Variants in MAPRE2 observed in about 807,000 individuals in gnomAD.
MAPRE2 encodes the protein microtubule-associated protein RP/EB family member 2.
A neutral mutation model predicts 43.2 loss-of-function variants in MAPRE2; 13 were observed. That is an observed-to-expected ratio of 0.30 (90% confidence interval 0.20 to 0.48). The LOEUF (loss-of-function observed/expected upper bound fraction) is 0.48. Ranked by LOEUF, MAPRE2 falls within the 20% of genes least tolerant of loss-of-function variation. The probability of loss-of-function intolerance (pLI) is 0.99; values close to 1 mark genes in which losing one functional copy is unlikely to be tolerated. For missense variants in MAPRE2, 161 were observed against 400.2 expected, an observed-to-expected ratio of 0.40 and a Z score of 5.10; for synonymous variants, 135 against 148.8, an observed-to-expected ratio of 0.91 and a Z score of 0.68.
chr18:35,115,458 C>T (rs888084450), intron 4 of MAPRE2, among the ~76,000 whole-genome samples: 16 of 152,116 alleles, frequency 1.1e-4, no homozygotes, highest in African/African-American at 3.6e-4. Flanking sequence ...GATTTTAGTG[C>T]ACCCATCACC....
intron 1 of MAPRE2, among the ~76,000 whole-genome samples, chr18:35,057,943 A>C (rs1487589684): frequency 6.6e-6 from 1 of 152,156 alleles, no homozygotes; most frequent in African/African-American, 2.4e-5. Flanking sequence ...CAATGACCAA[A>C]ATTTCCATTT....
chr18:35,038,678 G>A (rs748729006), upstream of MAPRE2, among the ~76,000 whole-genome samples: 31 of 152,088 alleles, frequency 2.0e-4, no homozygotes, highest in Non-Finnish European at 7.4e-5. Flanking sequence ...GTACCATTCC[G>A]CTTCCCAAAG....
chr18:35,134,908 T>C (rs988514135), intron 6 of MAPRE2, among the ~76,000 whole-genome samples: 1 of 152,160 alleles, frequency 6.6e-6, no homozygotes, highest in African/African-American at 2.4e-5. Context: ...ATCAAATAGC[T>C]TTAAGGGAAG....
At chr18:35,086,020 G>A (rs1010562366) in intron 2 of MAPRE2, among the ~76,000 whole-genome samples, 8 of 152,134 alleles carry the variant, frequency 5.3e-5, no homozygotes, top group African/African-American at 1.9e-4. Flanking sequence ...TGAGGTTGTT[G>A]TGCTTTTCTT....
intron 2 of MAPRE2, among the ~76,000 whole-genome samples, chr18:35,093,813 T>C (rs141000883): frequency 6.6e-6 from 1 of 152,238 alleles, no homozygotes; most frequent in African/African-American, 2.4e-5. Flanking sequence ...GGGTACAAAG[T>C]TACAGTTAGG....
At chr18:35,078,968 T>G (rs1307073628) in intron 2 of MAPRE2, among the ~76,000 whole-genome samples, 1 of 152,070 alleles carries the variant, frequency 6.6e-6, no homozygotes, top group African/African-American at 2.4e-5. Context: ...ATTGTTCTCC[T>G]TGTTCCTTTT....
At chr18:35,010,978 C>G (rs2097034283) in intron 2 of MAPRE2, among the ~76,000 whole-genome samples, 1 of 152,088 alleles carries the variant, frequency 6.6e-6, no homozygotes, top group Non-Finnish European at 1.5e-5. Flanking sequence ...TGAAATGTCT[C>G]AAGCAAAATT....
intron 4 of MAPRE2, among the ~76,000 whole-genome samples, chr18:35,123,322 G>A (rs545116382): frequency 5.1e-4 from 78 of 152,204 alleles, no homozygotes; most frequent in African/African-American, 1.7e-3. Context: ...CATCAGACTG[G>A]ATAAGGCCAG....
At chr18:35,103,810 G>A (rs983824530) in intron 4 of MAPRE2, among the ~76,000 whole-genome samples, 3 of 152,174 alleles carry the variant, frequency 2.0e-5, no homozygotes, top group Non-Finnish European at 4.4e-5. Flanking sequence ...CTGCTGAGAA[G>A]TCAAGTTAAA....
chr18:35,041,499 C>A lies in MAPRE2; in HGVS notation c.-41C>A. 1 of 1,613,810 alleles carries A rather than the reference C, an allele frequency of 6.2e-7. No individual in the cohort carries two copies. The highest frequency in any genetic ancestry group is 1.6e-4 in the Middle Eastern group (1 of 6,062). On this transcript the variant is annotated 5_prime_UTR_variant, in exon 1 of 7. Transcript: ENST00000300249. Reference sequence around the variant, plus strand: ...AAGACGCAGCCACCTTCCTCACCAGCCAGCCCACAGCGGTTTGTTCCCCTT... The same window carrying A: ...AAGACGCAGCCACCTTCCTCACCAGACAGCCCACAGCGGTTTGTTCCCCTT...
chr18:35,115,872 A>G (rs1909388202), intron 4 of MAPRE2, among the ~76,000 whole-genome samples: 1 of 152,184 alleles, frequency 6.6e-6, no homozygotes, highest in Non-Finnish European at 1.5e-5. Flanking sequence ...CTTCTAGAAA[A>G]TGTTTCTTAC....
chr18:35,012,483 G>T (rs1184244457), intron 2 of MAPRE2, among the ~76,000 whole-genome samples: 1 of 152,136 alleles, frequency 6.6e-6, no homozygotes, highest in Non-Finnish European at 1.5e-5. Context: ...GTCGCCAAAA[G>T]GTGGAAACAA....
chr18:35,027,410 G>A (rs184072196), intron 2 of MAPRE2, among the ~76,000 whole-genome samples: 1 of 152,140 alleles, frequency 6.6e-6, no homozygotes, highest in African/African-American at 2.4e-5. Flanking sequence ...AGGAGCCCAG[G>A]CCACATGGGG....
At chr18:34,978,583 C>T (rs747392746) in intron 1 of MAPRE2, 5 of 1,549,278 alleles carry the variant, frequency 3.2e-6, no homozygotes, top group African/African-American at 1.4e-5. Flanking sequence ...TTCTCCTGAA[C>T]GCTAAATTTG....
At chr18:35,056,966 C>T (rs1297483514) in intron 1 of MAPRE2, among the ~76,000 whole-genome samples, 1 of 152,150 alleles carries the variant, frequency 6.6e-6, no homozygotes, top group Admixed American at 6.5e-5. Context: ...CTTCCACTGT[C>T]CTTCCCAAAC....
chr18:35,078,657 CTG>C (rs917540211), intron 2 of MAPRE2, among the ~76,000 whole-genome samples: 1 of 152,194 alleles, frequency 6.6e-6, no homozygotes, highest in African/African-American at 2.4e-5. Context: ...GAAGGGTTCA[CTG>C]TGTGTTTGCC....
chr18:34,997,658 A>G (rs537836326), intron 1 of MAPRE2, among the ~76,000 whole-genome samples: 20 of 152,288 alleles, frequency 1.3e-4, no homozygotes, highest in Admixed American at 1.2e-3. Context: ...TCTACTAAAA[A>G]TACAAAAATT....
intron 2 of MAPRE2, among the ~76,000 whole-genome samples, chr18:35,010,094 TA>T (rs2150582607): frequency 6.6e-6 from 1 of 152,300 alleles, no homozygotes; most frequent in South Asian, 2.1e-4. Flanking sequence ...AATTTTTAAT[TA>T]AAATTTTAAT....
At chr18:35,111,335 T>C (rs1306035780) in intron 4 of MAPRE2, among the ~76,000 whole-genome samples, 1 of 152,252 alleles carries the variant, frequency 6.6e-6, no homozygotes, top group Non-Finnish European at 1.5e-5. Context: ...CATATTTCCT[T>C]TACTTCACTA....
Sources: gnomAD v4.1 joint callset for allele counts (sites outside exome capture counted in the v4.1 genomes callset) on GRCh38, gnomAD v4.1.1 for gene constraint, MANE v1.5 for transcripts, NCBI Gene and HGNC (gene_info 2026-07-23, HGNC 2026-07-21) for gene names.